Variants in GNAI3 observed in about 807,000 individuals in gnomAD.
GNAI3 encodes G protein subunit alpha i3, also known as guanine nucleotide-binding protein G(i) subunit alpha-3.
A neutral mutation model predicts 41.8 loss-of-function variants in GNAI3; 12 were observed. The observed-to-expected ratio is 0.29, with a 90% CI of 0.18 to 0.47. The LOEUF is 0.47. GNAI3 is among the 20% of genes least tolerant of loss of function. The pLI is 1.00. For synonymous variants in GNAI3, 132 were observed against 146.5 expected, an observed-to-expected ratio of 0.90 and a Z score of 0.71; for missense variants, 360 against 429.6, an observed-to-expected ratio of 0.84 and a Z score of 1.43.
At chr1:109,580,417 G>A (rs924393553) in intron 4 of GNAI3, among the ~76,000 whole-genome samples, 1 of 152,028 alleles carries the variant, frequency 6.6e-6, no homozygotes, top group Non-Finnish European at 1.5e-5. Flanking sequence ...CAATATTACT[G>A]TTTTCCTACT....
At chr1:109,583,992 C>T (rs1159322592) in intron 5 of GNAI3, among the ~76,000 whole-genome samples, 2 of 152,062 alleles carry the variant, frequency 1.3e-5, no homozygotes, top group Non-Finnish European at 2.9e-5. Context: ...TCTTTTGTGA[C>T]CTTTGAGATT....
At position 109,592,087 on chromosome 1, in the gene GNAI3, TTTGAA is replaced by T; in HGVS notation, c.920_924del (p.Phe307Ter). On this transcript the variant is annotated frameshift_variant, in exon 8 of 9. Coordinates refer to ENST00000369851, the MANE Select transcript of GNAI3 (RefSeq NM_006496.4). LOFTEE classifies it high-confidence loss of function. ...GGCAGCTGCCTATATTCAATGCCAG[TTTGAA>T]GATCTGAACAGAAGAAAAGATACCA... is the stretch of plus-strand genomic sequence containing the variant. 6.2e-7 allele frequency: 1 copy of T among 1,612,826 alleles called. No homozygotes were observed. Among genetic ancestry groups the T allele is most frequent in the Admixed American group, 1.7e-5 (1 of 60,010 alleles).
rs1433231792 is a variant in GNAI3, at chr1:109,598,790, C to G, written c.*6468C>G. On this transcript the variant is annotated 3_prime_UTR_variant, in exon 9 of 9. Transcript: ENST00000369851. ...CAGTCTCCAGTGTCTTCTGACCTCA[C>G]AGAAATGTTTTCATGCTTTTACCTA... 2.1e-6 allele frequency: 1 copy of G among 485,576 alleles called. No homozygotes were observed. The highest frequency in any genetic ancestry group is 2.0e-5 in the African/African-American group (1 of 50,962). The allele number at this position is 485,576 out of a possible 1,614,324, so 30.1% of individuals were successfully genotyped here.
rs143214602 is a variant in GNAI3, at chr1:109,582,111, A to T, written c.462-326A>T. 2.5e-3 allele frequency among the ~76,000 whole-genome samples: 378 copies of T among 152,154 alleles called. 1 individual carries two copies. Among genetic ancestry groups the T allele is most frequent in the African/African-American group, 8.4e-3 (349 of 41,504 alleles). Reference sequence around the variant, plus strand: ...TGATCCTCCTGCTTCACTCAAGGGTAGGAGGATTAGCTAGGACTACAGGCA... The same window carrying T: ...TGATCCTCCTGCTTCACTCAAGGGTTGGAGGATTAGCTAGGACTACAGGCA... On this transcript the variant is annotated intron_variant, in intron 4 of 8. Transcript: ENST00000369851.
At chr1:109,576,858 A>G (rs1648760699) in intron 3 of GNAI3, among the ~76,000 whole-genome samples, 1 of 152,050 alleles carries the variant, frequency 6.6e-6, no homozygotes, top group Admixed American at 6.5e-5. Context: ...GAGAGGGTTT[A>G]TTGTGGGGAA....
At chr1:109,568,963 A>C (rs1000374690) in intron 1 of GNAI3, among the ~76,000 whole-genome samples, 1 of 152,104 alleles carries the variant, frequency 6.6e-6, no homozygotes, top group Admixed American at 6.6e-5. Flanking sequence ...GAGTGATGGG[A>C]TTATAGGTGT....
At chr1:109,562,414 C>G (rs910270103) in intron 1 of GNAI3, among the ~76,000 whole-genome samples, 2 of 152,094 alleles carry the variant, frequency 1.3e-5, no homozygotes, top group Admixed American at 1.3e-4. Flanking sequence ...CAGTCCCCTG[C>G]GGATACCAAG....
At chr1:109,566,389 A>G (rs1483638434) in intron 1 of GNAI3, among the ~76,000 whole-genome samples, 2 of 152,234 alleles carry the variant, frequency 1.3e-5, no homozygotes, top group Non-Finnish European at 2.9e-5. Flanking sequence ...AAGTCACCAT[A>G]TTCAGCATTT....
chr1:109,563,553 G>A (rs1039038667), intron 1 of GNAI3, among the ~76,000 whole-genome samples: 1 of 151,970 alleles, frequency 6.6e-6, no homozygotes, highest in Non-Finnish European at 1.5e-5. Flanking sequence ...TGAGTGAGCT[G>A]CCTTTTTTTT....
chr1:109,568,503 G>A (rs1648514673), intron 1 of GNAI3, among the ~76,000 whole-genome samples: 2 of 152,076 alleles, frequency 1.3e-5, no homozygotes, highest in Admixed American at 1.3e-4. Flanking sequence ...CTGTGATTAC[G>A]CCACTACGCT....
At chr1:109,579,534 T>A (rs940257895) in intron 4 of GNAI3, among the ~76,000 whole-genome samples, 173 bp downstream of exon 4, 12 of 152,204 alleles carry the variant, frequency 7.9e-5, no homozygotes, top group African/African-American at 2.9e-4. Context: ...ATTTGTATGA[T>A]TTGGAGAAAA....
At position 109,572,296 on chromosome 1, in the gene GNAI3, C is replaced by T. The variant is rs186280889; in HGVS notation, c.119-1441C>T. ...TTGCACTCCAGCCTGGGCTACAGAG[C>T]GGGACTCCATCTCAAATAATAATAA... On this transcript the variant is annotated intron_variant, in intron 1 of 8. Coordinates refer to ENST00000369851, the MANE Select transcript of GNAI3 (RefSeq NM_006496.4). 3.3e-3 allele frequency among the ~76,000 whole-genome samples: 500 copies of T among 152,148 alleles called. 2 individuals carry two copies. Among genetic ancestry groups the T allele is most frequent in the Non-Finnish European group, 5.6e-3 (380 of 67,990 alleles).
At chr1:109,560,730 G>A (rs1455074590) in intron 1 of GNAI3, among the ~76,000 whole-genome samples, 1 of 152,098 alleles carries the variant, frequency 6.6e-6, no homozygotes, top group Non-Finnish European at 1.5e-5. Context: ...TAAATTTTTG[G>A]TAGACATGAG....
chr1:109,554,880 A>G (rs1354767745), intron 1 of GNAI3, among the ~76,000 whole-genome samples: 2 of 152,124 alleles, frequency 1.3e-5, no homozygotes, highest in African/African-American at 2.4e-5. Flanking sequence ...ACCAACAGCA[A>G]CCAAGCTGAG....
chr1:109,549,928 T>A (rs1647939422), intron 1 of GNAI3, among the ~76,000 whole-genome samples: 1 of 152,238 alleles, frequency 6.6e-6, no homozygotes, highest in Non-Finnish European at 1.5e-5. Context: ...AGCTTACTAA[T>A]AAATCAAGCC....
At chr1:109,591,960 A>G (rs1649182727) in intron 7 of GNAI3, 83 bp from the exon 8 acceptor site, 4 of 736,318 alleles carry the variant, frequency 5.4e-6, no homozygotes, top group Admixed American at 4.9e-5. Flanking sequence ...TTCCCTCTCC[A>G]TAAGTAAATG....
chr1:109,580,748 A>G (rs978277229), intron 4 of GNAI3, among the ~76,000 whole-genome samples: 1 of 152,240 alleles, frequency 6.6e-6, no homozygotes, highest in South Asian at 2.1e-4. Context: ...TGCAATGGCT[A>G]TGATGTCACT....
intron 1 of GNAI3, among the ~76,000 whole-genome samples, chr1:109,572,654 G>C (rs1241887932): frequency 6.6e-6 from 1 of 152,172 alleles, no homozygotes; most frequent in Non-Finnish European, 1.5e-5. Context: ...AGAGAAAATG[G>C]TGTGGTAGCT....
intron 1 of GNAI3, among the ~76,000 whole-genome samples, chr1:109,556,193 A>G (rs1337610074): frequency 6.6e-6 from 1 of 152,048 alleles, no homozygotes; most frequent in Non-Finnish European, 1.5e-5. Flanking sequence ...CTTGGACTAC[A>G]GGCTAATGCC....
Sources: gnomAD v4.1 joint callset for allele counts (sites outside exome capture counted in the v4.1 genomes callset) on GRCh38, gnomAD v4.1.1 for gene constraint, MANE v1.5 for transcripts, NCBI Gene and HGNC (gene_info 2026-07-23, HGNC 2026-07-21) for gene names.